The following MAGI2 variants were observed in gnomAD, a reference collection of about 807,000 sequenced individuals.
MAGI2 encodes membrane-associated guanylate kinase, WW and PDZ domain-containing protein 2.
In MAGI2, 35 loss-of-function variants were observed where a neutral mutation model predicts 133.3. The observed-to-expected ratio is 0.26, with a 90% CI of 0.20 to 0.35. The LOEUF (loss-of-function observed/expected upper bound fraction) is 0.35. MAGI2 is among the 10% of genes least tolerant of loss of function. The pLI is 1.00. For synonymous variants in MAGI2, 729 were observed against 710.6 expected, an observed-to-expected ratio of 1.03 and a Z score of -0.41; for missense variants, 1,636 against 1,863.4, an observed-to-expected ratio of 0.88 and a Z score of 2.25.
chr7:78,886,101 C>A (rs1236636077), intron 2 of MAGI2, among the ~76,000 whole-genome samples: 1 of 152,164 alleles, frequency 6.6e-6, no homozygotes, highest in Non-Finnish European at 1.5e-5. Context: ...AACAAATTGC[C>A]CAAAGCAATT....
chr7:78,803,063 C>T (rs1583951915), intron 2 of MAGI2, among the ~76,000 whole-genome samples: 3 of 151,914 alleles, frequency 2.0e-5, no homozygotes, highest in Admixed American at 1.3e-4. Context: ...TTTTTATACA[C>T]ATGCACGTAT....
At chr7:78,671,412 C>T (rs1814376582) in intron 2 of MAGI2, among the ~76,000 whole-genome samples, 1 of 151,808 alleles carries the variant, frequency 6.6e-6, no homozygotes, top group Non-Finnish European at 1.5e-5. Context: ...TCTTAATTTT[C>T]TGTGGTAGAG....
At chr7:78,510,468 GTAGT>G (rs1240680663) in intron 4 of MAGI2, among the ~76,000 whole-genome samples, 2 of 152,172 alleles carry the variant, frequency 1.3e-5, no homozygotes, top group Non-Finnish European at 2.9e-5. Flanking sequence ...ACTAAATAGA[GTAGT>G]TAAATTGGTC....
chr7:78,950,536 G>A lies in MAGI2; in HGVS notation c.418+56554C>T, dbSNP rs564896773. 4.6e-5 allele frequency among the ~76,000 whole-genome samples: 7 copies of A among 152,120 alleles called. No individual in the cohort carries two copies. The South Asian group carries it at 8.3e-4, about 18-fold the overall frequency. ...AAGTGTTCATACATTTCCATATGCC[G>A]GTTTCTCACCATGGAATAATCTCCT... On this transcript the variant is annotated intron_variant, in intron 2 of 21. Transcript: ENST00000354212.
At chr7:78,705,760 T>A (rs1246512108) in intron 2 of MAGI2, among the ~76,000 whole-genome samples, 1 of 152,160 alleles carries the variant, frequency 6.6e-6, no homozygotes, top group Non-Finnish European at 1.5e-5. Context: ...AAAAAATAGC[T>A]GACTGGATTA....
chr7:78,083,566 A>AT (rs928074688), intron 20 of MAGI2, among the ~76,000 whole-genome samples: 4 of 152,236 alleles, frequency 2.6e-5, no homozygotes, highest in African/African-American at 7.2e-5. Context: ...CTAAGCACTC[A>AT]TTTTTTTCCT....
At chr7:78,869,966 C>T (rs921636769) in intron 2 of MAGI2, among the ~76,000 whole-genome samples, 1 of 152,098 alleles carries the variant, frequency 6.6e-6, no homozygotes, top group East Asian at 1.9e-4. Flanking sequence ...TGTTTTTCTA[C>T]CAGTACCATT....
chr7:78,070,644 ATTTTTT>A (rs376515864), intron 21 of MAGI2, among the ~76,000 whole-genome samples: 21 of 134,600 alleles, frequency 1.6e-4, no homozygotes, highest in East Asian at 4.3e-4. Flanking sequence ...ATATATATAT[ATTTTTT>A]TTTTTTTTTT....
rs1296869925 is a variant in MAGI2 at position 78,719,152 on chromosome 7, T to C, written c.419-91913A>G. On this transcript the variant is annotated intron_variant, in intron 2 of 21. Coordinates refer to ENST00000354212, the MANE Select transcript of MAGI2 (RefSeq NM_012301.4). ...TCTGGAGAGCCAGTTTCCCTATACCTTCTATGTGAACCAATTAATAGGATG... is the reference window on the plus strand; with the variant it reads ...TCTGGAGAGCCAGTTTCCCTATACCCTCTATGTGAACCAATTAATAGGATG... 2.6e-5 allele frequency among the ~76,000 whole-genome samples: 4 copies of C among 152,294 alleles called. No homozygotes were observed. The Middle Eastern group carries it at 0.01, about 389-fold the overall frequency.
At chr7:78,385,560 T>G (rs920323960) in intron 6 of MAGI2, among the ~76,000 whole-genome samples, 1 of 152,196 alleles carries the variant, frequency 6.6e-6, no homozygotes, top group Non-Finnish European at 1.5e-5. Flanking sequence ...TTAATGAAAG[T>G]AATGTCCAAA....
At chr7:78,903,687 C>T (rs565830393) in intron 2 of MAGI2, among the ~76,000 whole-genome samples, 3 of 152,056 alleles carry the variant, frequency 2.0e-5, no homozygotes, top group Non-Finnish European at 2.9e-5. Flanking sequence ...TACATTTTGA[C>T]ATACAGAATT....
In MAGI2 at chr7:78,843,033, T is replaced by C. The variant is rs576485735; in HGVS notation, c.418+164057A>G. On this transcript the variant is annotated intron_variant, in intron 2 of 21. Transcript: ENST00000354212. Reference sequence around the variant, plus strand: ...TCTAAGTTAATGAAATGATTGATGGTTTAAAATAGGCAATTTGTATCAGGA... The same window carrying C: ...TCTAAGTTAATGAAATGATTGATGGCTTAAAATAGGCAATTTGTATCAGGA... Among the ~76,000 whole-genome samples the C allele has an allele frequency of 3.9e-5, 6 of 152,068 alleles. No homozygotes were observed. In the South Asian group the frequency reaches 1.2e-3, roughly 31 times the overall value.
At chr7:78,342,961 A>T (rs925171694) in intron 9 of MAGI2, among the ~76,000 whole-genome samples, 4 of 152,184 alleles carry the variant, frequency 2.6e-5, no homozygotes, top group Admixed American at 6.5e-5. Flanking sequence ...AGCATAATTT[A>T]AAAAAATTAC....
At chr7:78,786,611 A>G (rs1826840242) in intron 2 of MAGI2, among the ~76,000 whole-genome samples, 1 of 152,154 alleles carries the variant, frequency 6.6e-6, no homozygotes, top group Non-Finnish European at 1.5e-5. Flanking sequence ...TTTGTGTTTG[A>G]CGGCCCTCTG....
intron 2 of MAGI2, among the ~76,000 whole-genome samples, chr7:78,659,189 C>T (rs1020736231): frequency 8.6e-5 from 13 of 151,918 alleles, no homozygotes; most frequent in African/African-American, 1.5e-4. Flanking sequence ...CGGTGACTCA[C>T]GCCTGTAATT....
chr7:79,077,929 T>G (rs1188382551), intron 1 of MAGI2, among the ~76,000 whole-genome samples: 1 of 152,188 alleles, frequency 6.6e-6, no homozygotes, highest in African/African-American at 2.4e-5. Flanking sequence ...TTTTTTTCCC[T>G]TAGAATACAT....
intron 6 of MAGI2, among the ~76,000 whole-genome samples, chr7:78,400,502 A>G (rs1796760625): frequency 6.6e-6 from 1 of 152,240 alleles, no homozygotes; most frequent in Non-Finnish European, 1.5e-5. Context: ...GAATGCAGTG[A>G]AATTTAAAAA....
At chr7:78,227,036 G>T (rs1251731509) in intron 10 of MAGI2, among the ~76,000 whole-genome samples, 1 of 152,138 alleles carries the variant, frequency 6.6e-6, no homozygotes, top group Admixed American at 6.5e-5. Context: ...ACTTAAAAGA[G>T]CTTTAAGAAA....
chr7:78,909,691 G>A (rs1338412097), intron 2 of MAGI2, among the ~76,000 whole-genome samples: 1 of 151,904 alleles, frequency 6.6e-6, no homozygotes, highest in Non-Finnish European at 1.5e-5. Context: ...CTATTGGTGG[G>A]AATGTAAATT....
Sources: gnomAD v4.1 joint callset for allele counts (sites outside exome capture counted in the v4.1 genomes callset) on GRCh38, gnomAD v4.1.1 for gene constraint, MANE v1.5 for transcripts, NCBI Gene and HGNC (gene_info 2026-07-23, HGNC 2026-07-21) for gene names.